CHRNA7: variants seen among roughly 807,000 people sequenced by gnomAD.
The protein encoded by CHRNA7 is cholinergic receptor nicotinic alpha 7 subunit.
In CHRNA7, 17 loss-of-function variants were observed where a neutral mutation model predicts 48.0. That is an observed-to-expected ratio of 0.35 (90% CI 0.24 to 0.53). The LOEUF (loss-of-function observed/expected upper bound fraction) is 0.53, where lower values mean the gene tolerates loss of function less well. Ranked by LOEUF, CHRNA7 falls within the 20% of genes least tolerant of loss-of-function variation. CHRNA7 has a pLI of 0.92. For missense variants in CHRNA7, 155 were observed against 577.7 expected, an observed-to-expected ratio of 0.27 and a Z score of 7.50; for synonymous variants, 75 against 242.3, an observed-to-expected ratio of 0.31 and a Z score of 6.41.
chr15:32,113,172 GTGT>G (rs2050791827), intron 4 of CHRNA7, among the ~76,000 whole-genome samples: 1 of 152,094 alleles, frequency 6.6e-6, no homozygotes, highest in African/African-American at 2.4e-5. Context: ...CTGAATGAAG[GTGT>G]TGTCAGGACT....
intron 2 of CHRNA7, among the ~76,000 whole-genome samples, chr15:32,052,042 A>T (rs1019018767): frequency 2.0e-5 from 3 of 152,166 alleles, no homozygotes; most frequent in Admixed American, 2.0e-4. Context: ...AGGTTTGCTT[A>T]AAATTTTAGC....
chr15:32,031,476 G>A (rs1226762898), intron 2 of CHRNA7, among the ~76,000 whole-genome samples: 1 of 152,216 alleles, frequency 6.6e-6, no homozygotes, highest in African/African-American at 2.4e-5. Context: ...TTTGGTGGGG[G>A]CCTGGCCCTG....
chr15:32,068,677 C>G (rs537525215), intron 2 of CHRNA7, among the ~76,000 whole-genome samples: 1 of 150,604 alleles, frequency 6.6e-6, no homozygotes, highest in African/African-American at 2.5e-5. Flanking sequence ...GAGCCGAGAT[C>G]GCACCACTGC....
chr15:32,137,035 A>AAAAAATAAAAAT (rs2051277636), intron 4 of CHRNA7, among the ~76,000 whole-genome samples: 4 of 147,266 alleles, frequency 2.7e-5, no homozygotes, highest in African/African-American at 7.6e-5. Context: ...CCGTCTCAAA[A>AAAAAATAAAAAT]AAAAAAAAAA....
chr15:32,070,725 C>T (rs1161505098), intron 2 of CHRNA7, among the ~76,000 whole-genome samples: 7 of 119,812 alleles, frequency 5.8e-5, no homozygotes, highest in East Asian at 2.6e-4. Flanking sequence ...CTTGCTCTGT[C>T]GCCCAGGCTG....
chr15:32,083,848 T>G (rs2050253979), intron 2 of CHRNA7, among the ~76,000 whole-genome samples: 1 of 152,158 alleles, frequency 6.6e-6, no homozygotes, highest in South Asian at 2.1e-4. Flanking sequence ...ATAGGAACAT[T>G]TTTCTTGGTA....
At position 32,041,173 on chromosome 15, in the gene CHRNA7, G is replaced by A. The variant is rs180725652; in HGVS notation, c.195+10136G>A. On this transcript the variant is annotated intron_variant, in intron 2 of 9. Coordinates refer to ENST00000306901, the MANE Select transcript of CHRNA7 (RefSeq NM_000746.6). ...CATGTATCAGCTTGCTGTTTTCTGA[G>A]ATTCCTGGATGTGTGGTTTGGTGTT... is the stretch of plus-strand genomic sequence containing the variant. Among the ~76,000 whole-genome samples the A allele has an allele frequency of 2.0e-4, 30 of 152,226 alleles. No homozygotes were observed. The South Asian group carries it at 2.9e-3, about 15-fold the overall frequency.
chr15:32,167,318 TTC>T (rs1449537044), intron 9 of CHRNA7: 1 of 160,668 alleles, frequency 6.2e-6, no homozygotes, highest in African/African-American at 2.5e-5. Flanking sequence ...CTAACCTAGT[TTC>T]TGTTTCACAT....
At chr15:32,068,801 A>G (rs1310527184) in intron 2 of CHRNA7, among the ~76,000 whole-genome samples, 1 of 152,210 alleles carries the variant, frequency 6.6e-6, no homozygotes, top group Non-Finnish European at 1.5e-5. Flanking sequence ...ACTGGTCAGG[A>G]ATATATCACA....
At chr15:32,106,537 TGGTTCCTCTGCAGCC>T (rs1422829832) in intron 3 of CHRNA7, among the ~76,000 whole-genome samples, 4 of 152,188 alleles carry the variant, frequency 2.6e-5, no homozygotes, top group Non-Finnish European at 5.9e-5. Flanking sequence ...AGGAAGCAGC[TGGTTCCTCTGCAGCC>T]GGTTCCTCTG....
At chr15:32,124,522 A>G (rs1295047148) in intron 4 of CHRNA7, among the ~76,000 whole-genome samples, 3 of 152,232 alleles carry the variant, frequency 2.0e-5, no homozygotes, top group South Asian at 4.1e-4. Context: ...GTATCTAACA[A>G]ATATTTCCCA....
intron 4 of CHRNA7, among the ~76,000 whole-genome samples, chr15:32,134,305 C>A (rs901786915): frequency 6.6e-6 from 1 of 152,132 alleles, no homozygotes; most frequent in African/African-American, 2.4e-5. Flanking sequence ...ATTACAGGTG[C>A]CCACCACCAT....
At chr15:32,143,938 T>C (rs982175022) in intron 4 of CHRNA7, among the ~76,000 whole-genome samples, 4 of 152,214 alleles carry the variant, frequency 2.6e-5, no homozygotes, top group South Asian at 2.1e-4. Flanking sequence ...AATATTGTTA[T>C]GTGTGAACTT....
intron 7 of CHRNA7, chr15:32,159,126 A>C (rs961097046): frequency 1.9e-5 from 3 of 161,642 alleles, no homozygotes; most frequent in South Asian, 3.3e-4. Flanking sequence ...CCAAACCCAT[A>C]TCTTCTGAGT....
intron 2 of CHRNA7, among the ~76,000 whole-genome samples, chr15:32,071,376 TTATTA>T (rs1194817425): frequency 3.3e-5 from 5 of 152,222 alleles, no homozygotes; most frequent in African/African-American, 1.2e-4. Context: ...GTTAGCATAT[TTATTA>T]TATTATTTCA....
chr15:32,093,811 C>T (rs2050422104), intron 2 of CHRNA7, among the ~76,000 whole-genome samples: 1 of 152,158 alleles, frequency 6.6e-6, no homozygotes, highest in Non-Finnish European at 1.5e-5. Flanking sequence ...ACACGTATTA[C>T]ACTGTGGTCT....
chr15:32,101,283 C>CCT lies in CHRNA7; in HGVS notation c.196-20_196-19insCT, dbSNP rs367768493. 8 of 1,451,584 alleles carry CCT rather than the reference C, an allele frequency of 5.5e-6. No homozygotes were observed. The highest frequency in any genetic ancestry group is 7.4e-6 in the Non-Finnish European group (8 of 1,079,522). The allele number at this position is 1,451,584 out of a possible 1,614,324, so 89.9% of individuals were successfully genotyped here. ...GTAAACCATATTATTTATGCTGCTG[C>CCT]TTTTTTTTTTTTTTTGAAGGATGAG... On this transcript the variant is annotated intron_variant, in intron 2 of 9. Transcript: ENST00000306901.
rs140546900 is a variant in CHRNA7, at chr15:32,089,002, A to G, written c.196-12301A>G. Among the ~76,000 whole-genome samples the G allele has an allele frequency of 3.7e-3, 567 of 152,268 alleles. 4 individuals carry two copies. Among genetic ancestry groups the G allele is most frequent in the African/African-American group, 0.013 (533 of 41,564 alleles). On this transcript the variant is annotated intron_variant, in intron 2 of 9. Transcript: ENST00000306901. ...TGAAAAACCATAATCACCAAACCCA[A>G]AGTCACGTATATTTAATCCTGTCTT...
intron 2 of CHRNA7, among the ~76,000 whole-genome samples, chr15:32,050,108 C>T (rs1322616658): frequency 6.6e-6 from 1 of 152,164 alleles, no homozygotes; most frequent in Admixed American, 6.5e-5. Context: ...TTTGGTGAAT[C>T]TGACAATTAT....
Sources: allele counts gnomAD v4.1 joint callset (sites outside exome capture counted in the v4.1 genomes callset), GRCh38; gene constraint gnomAD v4.1.1; transcripts MANE v1.5; gene names NCBI Gene and HGNC (gene_info 2026-07-23, HGNC 2026-07-21).